The following ATP11A variants were observed in gnomAD, a reference collection of about 807,000 sequenced individuals.
ATP11A encodes the protein ATPase phospholipid transporting 11A.
In ATP11A, 81 loss-of-function variants were observed where a neutral mutation model predicts 154.4. That is an observed-to-expected ratio of 0.52 (90% CI 0.44 to 0.63). The LOEUF is 0.63. Ranked by LOEUF, ATP11A falls within the 30% of genes least tolerant of loss-of-function variation. ATP11A has a pLI of 0.00. For synonymous variants in ATP11A, 623 were observed against 585.9 expected (o/e 1.06, Z -0.91); for missense variants, 1,316 against 1,474.3 (o/e 0.89, Z 1.76).
intron 1 of ATP11A, among the ~76,000 whole-genome samples, chr13:112,744,874 A>C (rs1891954564): frequency 6.6e-6 from 1 of 152,216 alleles, no homozygotes; most frequent in Non-Finnish European, 1.5e-5. Flanking sequence ...TCAACTGGGA[A>C]ATGAAAATAA....
Position 112,882,806 on chromosome 13 carries a change from A to G in ATP11A, c.*940A>G, listed in dbSNP as rs2080914558. ...ATTTCGCGGGTGCGAGGGCCGGGAG[A>G]CAGATACTTGGCTGTGATGAGCAGA... On this transcript the variant is annotated 3_prime_UTR_variant, in exon 30 of 30. Coordinates refer to ENST00000375645, the MANE Select transcript of ATP11A (RefSeq NM_015205.3). This position sits in a 1 kb window ranked among gnomAD's most constrained non-coding sequence, Gnocchi z 5.1. 7.5e-6 allele frequency: 3 copies of G among 399,314 alleles called. No individual in the cohort carries two copies. The East Asian group carries it at 1.1e-4, about 14-fold the overall frequency. 24.7% of individuals were successfully genotyped at this position (399,314 alleles called of 1,614,324 possible).
chr13:112,761,521 TAG>T (rs2076961627), intron 1 of ATP11A, among the ~76,000 whole-genome samples: 1 of 152,212 alleles, frequency 6.6e-6, no homozygotes, highest in East Asian at 1.9e-4. Flanking sequence ...ATTGTGTCCA[TAG>T]GATTCGGTAC....
In ATP11A at chr13:112,857,799, G is replaced by A. The variant is rs371029239; in HGVS notation, c.2419-19G>A. ...AAGTGAAACAGAGAAGATAAATTCC[G>A]CATTTCTTTCTTTTGCAGATTGTTA... On this transcript the variant is annotated intron_variant, in intron 20 of 29. Coordinates refer to ENST00000375645, the MANE Select transcript of ATP11A (RefSeq NM_015205.3). 71 of 1,587,618 alleles carry A rather than the reference G, an allele frequency of 4.5e-5. 1 individual carries two copies. The East Asian group carries it at 4.9e-4, about 11-fold the overall frequency.
intron 25 of ATP11A, among the ~76,000 whole-genome samples, chr13:112,863,763 CT>C (rs2080213577): frequency 1.1e-5 from 1 of 89,890 alleles, no homozygotes; most frequent in Non-Finnish European, 2.3e-5. Flanking sequence ...CATGCAGCTT[CT>C]CAGCAGGGTC....
chr13:112,773,403 C>A (rs910807586), intron 1 of ATP11A, among the ~76,000 whole-genome samples: 1 of 152,242 alleles, frequency 6.6e-6, no homozygotes, highest in Non-Finnish European at 1.5e-5. Context: ...CGACCAAACC[C>A]ACCATGGCTT....
chr13:112,758,910 G>A (rs1342210615), intron 1 of ATP11A, among the ~76,000 whole-genome samples: 1 of 152,084 alleles, frequency 6.6e-6, no homozygotes, highest in Non-Finnish European at 1.5e-5. Flanking sequence ...CCAAAAAATC[G>A]GCTTTAGAAC....
In ATP11A at chr13:112,690,570, C is replaced by T. The variant is rs540462261; in HGVS notation, c.39+115C>T. ...CGGGGTCCCGGGAGGTCTCCGATGT[C>T]TGGGACTCGGACCGCCCCCGGGGAC... On this transcript the variant is annotated intron_variant, in intron 1 of 29. Coordinates refer to ENST00000375645, the MANE Select transcript of ATP11A (RefSeq NM_015205.3). The surrounding 1 kb of genome is among the most constrained non-coding windows in gnomAD (Gnocchi z 5.6). 5.2e-5 allele frequency: 55 copies of T among 1,050,538 alleles called. No individual in the cohort carries two copies. Among genetic ancestry groups the T allele is most frequent in the African/African-American group, 2.6e-4 (16 of 60,534 alleles). 65.1% of individuals were successfully genotyped at this position (1,050,538 alleles called of 1,614,324 possible).
intron 20 of ATP11A, among the ~76,000 whole-genome samples, chr13:112,857,156 C>T (rs1448051876): frequency 6.6e-6 from 1 of 152,166 alleles, no homozygotes; most frequent in African/African-American, 2.4e-5. Flanking sequence ...GTTTCAGTTT[C>T]CTATCTTGAA....
chr13:112,693,435 CTCT>C (rs1885425320), intron 1 of ATP11A, among the ~76,000 whole-genome samples: 1 of 146,598 alleles, frequency 6.8e-6, no homozygotes, highest in Non-Finnish European at 1.5e-5. Context: ...GTGGTGTATG[CTCT>C]CTGGGGTGAT....
rs2076739749 is a variant in ATP11A at position 112,753,273 on chromosome 13, A to G, written c.40-31862A>G. Among the ~76,000 whole-genome samples, 2 of 152,170 alleles carry G rather than the reference A, an allele frequency of 1.3e-5. No individual in the cohort carries two copies. Among genetic ancestry groups the G allele is most frequent in the African/African-American group, 2.4e-5 (1 of 41,442 alleles). On this transcript the variant is annotated intron_variant, in intron 1 of 29. Transcript: ENST00000375645. The surrounding 1 kb of genome is among the most constrained non-coding windows in gnomAD (Gnocchi z 4.1). ...CCACATCATGGACAGCTGGGCTCCAATCTTCTGCTTTTATAAATAGTGCTG... is the reference window on the plus strand; with the variant it reads ...CCACATCATGGACAGCTGGGCTCCAGTCTTCTGCTTTTATAAATAGTGCTG...
chr13:112,729,683 G>A (rs924984613), intron 1 of ATP11A, among the ~76,000 whole-genome samples: 1 of 152,230 alleles, frequency 6.6e-6, no homozygotes, highest in African/African-American at 2.4e-5. Flanking sequence ...CTGCCGCAGC[G>A]CTCCTGCTAT....
chr13:112,801,690 C>CT (rs2078137393), intron 2 of ATP11A, among the ~76,000 whole-genome samples: 1 of 152,106 alleles, frequency 6.6e-6, no homozygotes, highest in South Asian at 2.1e-4. Flanking sequence ...ACATTTAACC[C>CT]CCCCACCCAC....
rs796504013 is a variant in ATP11A, at chr13:112,864,977, A to G, written c.2991+2402A>G. On this transcript the variant is annotated intron_variant, in intron 25 of 29. Transcript: ENST00000375645. Reference sequence around the variant, plus strand: ...CTCAGCAGGGTCCATCACCACCTGCACAGTAATTCAGTGCAGCCCGCGCAG... The same window carrying G: ...CTCAGCAGGGTCCATCACCACCTGCGCAGTAATTCAGTGCAGCCCGCGCAG... 3.0e-3 allele frequency among the ~76,000 whole-genome samples: 276 copies of G among 92,706 alleles called. 1 individual carries two copies. Among genetic ancestry groups the G allele is most frequent in the African/African-American group, 8.8e-3 (233 of 26,546 alleles). The allele number at this position is 92,706 out of a possible 152,430, so 60.8% of individuals were successfully genotyped here. A position where few individuals can be genotyped will look rare whatever the true frequency, so the allele number is the denominator to read the frequency against.
intron 19 of ATP11A, among the ~76,000 whole-genome samples, 169 bp from the exon 20 acceptor site, chr13:112,855,742 C>CAAAA (rs1285130065): frequency 2.0e-5 from 3 of 152,152 alleles, no homozygotes; most frequent in Admixed American, 1.3e-4. Context: ...TAAATGTCGA[C>CAAAA]AAAAGGTGTT....
intron 18 of ATP11A, among the ~76,000 whole-genome samples, chr13:112,852,721 C>CG (rs2079802236): frequency 7.3e-6 from 1 of 136,166 alleles, no homozygotes; most frequent in African/African-American, 2.9e-5. Context: ...GCCCCTGGGG[C>CG]GGGGGGCAGG....
chr13:112,874,364 CGAG>C (rs2080647912), intron 27 of ATP11A, among the ~76,000 whole-genome samples: 1 of 152,186 alleles, frequency 6.6e-6, no homozygotes, highest in Non-Finnish European at 1.5e-5. Flanking sequence ...CGTGGTCAGT[CGAG>C]GCAGAGCACA....
intron 19 of ATP11A, among the ~76,000 whole-genome samples, chr13:112,855,506 G>A (rs1447334058): frequency 6.6e-6 from 1 of 152,166 alleles, no homozygotes; most frequent in African/African-American, 2.4e-5. Flanking sequence ...CCAGCAAAGA[G>A]GAGATTATGA....
intron 16 of ATP11A, among the ~76,000 whole-genome samples, chr13:112,841,124 G>A (rs151238801): frequency 0.016 from 2,403 of 152,030 alleles, 47 homozygotes; most frequent in African/African-American, 0.055. Context: ...ACGTGGCTTC[G>A]CGGACCAGGG....
chr13:112,879,257 T>C (rs2140445560), intron 29 of ATP11A, among the ~76,000 whole-genome samples: 1 of 152,398 alleles, frequency 6.6e-6, no homozygotes, highest in East Asian at 1.9e-4. Context: ...TTTAATAACA[T>C]CATCTTCTAT....
Sources: gnomAD v4.1 joint callset for allele counts (sites outside exome capture counted in the v4.1 genomes callset) on GRCh38, gnomAD v4.1.1 for gene constraint, Gnocchi (gnomAD v3.1) non-coding constraint, MANE v1.5 for transcripts, NCBI Gene and HGNC (gene_info 2026-07-23, HGNC 2026-07-21) for gene names.